Variants in MYO1D observed in about 807,000 individuals in gnomAD.
MYO1D encodes the protein myosin ID.
MYO1D carries 83 observed loss-of-function variants against 122.0 expected under a neutral mutation model. The observed-to-expected ratio is 0.68, with a 90% CI of 0.57 to 0.82. MYO1D has a LOEUF of 0.82. MYO1D is among the 40% of genes least tolerant of loss of function. The pLI is 0.00. For missense variants in MYO1D, 1,157 were observed against 1,269.5 expected, an observed-to-expected ratio of 0.91 and a Z score of 1.35; for synonymous variants, 464 against 446.9, an observed-to-expected ratio of 1.04 and a Z score of -0.48.
At chr17:32,564,553 G>A (rs1037984837) in intron 21 of MYO1D, among the ~76,000 whole-genome samples, 1 of 152,050 alleles carries the variant, frequency 6.6e-6, no homozygotes, top group African/African-American at 2.4e-5. Flanking sequence ...TCCCTCTTTC[G>A]GTATTTATTT....
chr17:32,564,170 G>A (rs1323043026), intron 21 of MYO1D, among the ~76,000 whole-genome samples: 1 of 152,194 alleles, frequency 6.6e-6, no homozygotes, highest in Admixed American at 6.5e-5. Context: ...CCCTGCCTGG[G>A]GGCAGTAAGC....
chr17:32,596,527 T>C lies in MYO1D; in HGVS notation c.2864+8560A>G, dbSNP rs115841954. On this transcript the variant is annotated intron_variant, in intron 21 of 21. Coordinates refer to ENST00000318217, the MANE Select transcript of MYO1D (RefSeq NM_015194.3). The stretch of plus-strand genomic sequence containing the variant: ...GCAACTGCTGGCCTGCTTATCGGTA[T>C]GGGTCTCCCCATGGCTCTAAGTGTG... Among the ~76,000 whole-genome samples the C allele has an allele frequency of 9.7e-3, 1,475 of 152,330 alleles. 24 individuals are homozygous for C. Among genetic ancestry groups the C allele is most frequent in the African/African-American group, 0.034 (1,405 of 41,588 alleles).
chr17:32,779,735 G>C (rs896066305), intron 2 of MYO1D, among the ~76,000 whole-genome samples: 5 of 151,992 alleles, frequency 3.3e-5, no homozygotes, highest in Admixed American at 3.3e-4. Context: ...ATAGTCCTAG[G>C]ATATAATTTT....
At chr17:32,861,762 A>G (rs1047282536) in intron 1 of MYO1D, among the ~76,000 whole-genome samples, 6 of 152,172 alleles carry the variant, frequency 3.9e-5, no homozygotes, top group Non-Finnish European at 7.3e-5. Context: ...TCACACCTGT[A>G]ATTCCAACAC....
At chr17:32,626,379 T>C (rs906857677) in intron 20 of MYO1D, among the ~76,000 whole-genome samples, 16 of 152,224 alleles carry the variant, frequency 1.1e-4, no homozygotes, top group African/African-American at 3.9e-4. Flanking sequence ...CCTCTAGCAA[T>C]CTGACCTCTG....
chr17:32,683,831 C>T (rs7207241), intron 16 of MYO1D, among the ~76,000 whole-genome samples: 3,612 of 151,264 alleles, frequency 0.024, 121 homozygotes, highest in African/African-American at 0.077. Flanking sequence ...CAATGGCGGG[C>T]GCCCCTCCCC....
In MYO1D at chr17:32,876,919, C is replaced by T; in HGVS notation, c.-47G>A. Reference sequence around the variant, plus strand: ...GTGGGCGCGCTCGGGCCTCCGGGGCCGCTCCGTGGGCCCGCGATGAGCTCG... The same window carrying T: ...GTGGGCGCGCTCGGGCCTCCGGGGCTGCTCCGTGGGCCCGCGATGAGCTCG... On this transcript the variant is annotated 5_prime_UTR_variant, in exon 1 of 22. Transcript: ENST00000318217. 2 of 1,277,012 alleles carry T rather than the reference C, an allele frequency of 1.6e-6. No individual in the cohort carries two copies. The highest frequency in any genetic ancestry group is 2.1e-6 in the Non-Finnish European group (2 of 961,836). 79.1% of individuals were successfully genotyped at this position (1,277,012 alleles called of 1,614,324 possible). A position where few individuals can be genotyped will look rare whatever the true frequency, so the allele number is the denominator to read the frequency against.
At chr17:32,835,915 T>C (rs1384702469) in intron 1 of MYO1D, among the ~76,000 whole-genome samples, 1 of 152,226 alleles carries the variant, frequency 6.6e-6, no homozygotes, top group Non-Finnish European at 1.5e-5. Flanking sequence ...TGTTGGTTCA[T>C]ACTGCGCTCA....
chr17:32,737,944 C>T (rs1035630661), intron 14 of MYO1D, among the ~76,000 whole-genome samples: 5 of 152,182 alleles, frequency 3.3e-5, no homozygotes, highest in Non-Finnish European at 5.9e-5. Flanking sequence ...TTCAGCACAG[C>T]GCTAAAGTTC....
At chr17:32,616,193 A>G (rs913906973) in intron 20 of MYO1D, among the ~76,000 whole-genome samples, 3 of 152,210 alleles carry the variant, frequency 2.0e-5, no homozygotes, top group Non-Finnish European at 4.4e-5. Context: ...CAGGAACTCT[A>G]CTTAAGGAAC....
chr17:32,841,793 A>T (rs1041212222), intron 1 of MYO1D, among the ~76,000 whole-genome samples: 4 of 151,512 alleles, frequency 2.6e-5, no homozygotes, highest in East Asian at 1.9e-4. Context: ...GAAGGAAGAA[A>T]GAATGGATAA....
chr17:32,686,923 C>T (rs547978305), intron 16 of MYO1D, among the ~76,000 whole-genome samples: 101 of 149,514 alleles, frequency 6.8e-4, no homozygotes, highest in Middle Eastern at 3.4e-3. Context: ...CATAATTGTG[C>T]CACTGCACTC....
At chr17:32,601,851 T>C (rs1328714736) in intron 21 of MYO1D, among the ~76,000 whole-genome samples, 4 of 152,244 alleles carry the variant, frequency 2.6e-5, no homozygotes, top group African/African-American at 9.6e-5. Flanking sequence ...AAAGATTGTC[T>C]TCAAATGTTT....
chr17:32,775,101 G>A (rs1754121780), intron 4 of MYO1D, among the ~76,000 whole-genome samples: 1 of 152,082 alleles, frequency 6.6e-6, no homozygotes, highest in Non-Finnish European at 1.5e-5. Context: ...AAGAGTTTGA[G>A]ACCAGCCTGG....
At chr17:32,554,126 C>A (rs1467032451) in intron 21 of MYO1D, among the ~76,000 whole-genome samples, 1 of 152,144 alleles carries the variant, frequency 6.6e-6, no homozygotes, top group Non-Finnish European at 1.5e-5. Flanking sequence ...CCCTCCTGAG[C>A]CTCTGTTCAA....
At chr17:32,816,061 T>A (rs561622582) in intron 1 of MYO1D, among the ~76,000 whole-genome samples, 8 of 152,154 alleles carry the variant, frequency 5.3e-5, no homozygotes, top group African/African-American at 1.9e-4. Flanking sequence ...AGCTACAATA[T>A]CCTAAACAAG....
At chr17:32,809,329 T>C (rs2090549034) in intron 1 of MYO1D, among the ~76,000 whole-genome samples, 1 of 152,162 alleles carries the variant, frequency 6.6e-6, no homozygotes, top group African/African-American at 2.4e-5. Flanking sequence ...TCTTGTTATG[T>C]TGCCCAGGCT....
At chr17:32,777,768 C>T (rs1254446548) in intron 3 of MYO1D, among the ~76,000 whole-genome samples, 1 of 151,640 alleles carries the variant, frequency 6.6e-6, no homozygotes, top group Non-Finnish European at 1.5e-5. Context: ...CCCGTCTCTA[C>T]TAAAAACACA....
chr17:32,622,419 T>G (rs968312204), intron 20 of MYO1D, among the ~76,000 whole-genome samples: 2 of 152,278 alleles, frequency 1.3e-5, no homozygotes, highest in African/African-American at 4.8e-5. Context: ...CCTTCTCCCA[T>G]GGAGTCTATG....
Sources: gnomAD v4.1 joint callset for allele counts (sites outside exome capture counted in the v4.1 genomes callset) on GRCh38, gnomAD v4.1.1 for gene constraint, MANE v1.5 for transcripts, NCBI Gene and HGNC (gene_info 2026-07-23, HGNC 2026-07-21) for gene names.